MRPS35: variants seen among roughly 807,000 people sequenced by gnomAD.
MRPS35 encodes the protein small ribosomal subunit protein mS35.
Under a neutral mutation model 32.7 loss-of-function variants are expected in MRPS35, and 29 were observed. The ratio of observed to expected loss-of-function variants is 0.89; its 90% CI spans 0.66 to 1.21. The LOEUF (loss-of-function observed/expected upper bound fraction) is 1.21. MRPS35 is among the 50% of genes most tolerant of loss of function. MRPS35 has a pLI of 0.00. For missense variants in MRPS35, 373 were observed against 383.8 expected, an observed-to-expected ratio of 0.97 and a Z score of 0.23; for synonymous variants, 148 against 139.3, an observed-to-expected ratio of 1.06 and a Z score of -0.44.
intron 7 of MRPS35, among the ~76,000 whole-genome samples, chr12:27,738,142 A>AT (rs764902368): frequency 3.3e-5 from 5 of 152,106 alleles, no homozygotes; most frequent in Non-Finnish European, 7.4e-5. Context: ...CAGACTTTAG[A>AT]TTTTTTCAGA....
chr12:27,732,097 A>G (rs1044719266), intron 5 of MRPS35, among the ~76,000 whole-genome samples: 2 of 152,236 alleles, frequency 1.3e-5, no homozygotes, highest in African/African-American at 4.8e-5. Flanking sequence ...TTAAGAACAT[A>G]TTAAATGTTA....
intron 4 of MRPS35, among the ~76,000 whole-genome samples, chr12:27,721,915 T>C (rs1379797063): frequency 6.6e-6 from 1 of 152,118 alleles, no homozygotes; most frequent in Non-Finnish European, 1.5e-5. Flanking sequence ...AGTGAGATCA[T>C]GTCTCTACAA....
chr12:27,748,438 GGTGTGTGTGTGT>G (rs35760106), intron 7 of MRPS35, among the ~76,000 whole-genome samples: 10 of 145,972 alleles, frequency 6.9e-5, no homozygotes, highest in Admixed American at 1.4e-4. Flanking sequence ...AAAGAAAAGT[GGTGTGTGTGTGT>G]GTGTGTGTGT....
At chr12:27,711,089 G>C (rs2140746798) in intron 1 of MRPS35, 134 bp downstream of exon 1, 1 of 776,678 alleles carries the variant, frequency 1.3e-6, no homozygotes, top group Non-Finnish European at 2.1e-6. Flanking sequence ...AGGCCCGTCT[G>C]GTAGGAAAAC....
intron 7 of MRPS35, among the ~76,000 whole-genome samples, chr12:27,744,821 C>T (rs1375032468): frequency 1.3e-5 from 2 of 152,158 alleles, no homozygotes; most frequent in African/African-American, 4.8e-5. Flanking sequence ...AAAAGTGGAC[C>T]TGTGATGTTG....
chr12:27,741,116 C>T (rs2061963285), intron 7 of MRPS35, among the ~76,000 whole-genome samples: 1 of 151,766 alleles, frequency 6.6e-6, no homozygotes, highest in Non-Finnish European at 1.5e-5. Flanking sequence ...TGCAGTGAGC[C>T]AAGATCGCAC....
rs560688576 is a variant in MRPS35, at chr12:27,740,958, G to A, written c.702+3350G>A. ...AAGGCAGGCGGATTGCCCGAGCTCA[G>A]GAGTTCGATACCACCCTGGGCAACA... On this transcript the variant is annotated intron_variant, in intron 7 of 7. Coordinates refer to ENST00000081029, the MANE Select transcript of MRPS35 (RefSeq NM_021821.4). Among the ~76,000 whole-genome samples, 7 of 152,196 alleles carry A rather than the reference G, an allele frequency of 4.6e-5. No homozygotes were observed. The South Asian group carries it at 1.5e-3, about 32-fold the overall frequency.
chr12:27,750,487 A>G (rs1407003310), intron 7 of MRPS35, among the ~76,000 whole-genome samples: 1 of 152,194 alleles, frequency 6.6e-6, no homozygotes, highest in African/African-American at 2.4e-5. Context: ...CAGAGTTTGG[A>G]TCCTAAAGCT....
intron 2 of MRPS35, among the ~76,000 whole-genome samples, chr12:27,715,120 A>G (rs944045653): frequency 6.6e-6 from 1 of 152,164 alleles, no homozygotes; most frequent in Non-Finnish European, 1.5e-5. Flanking sequence ...CATTAATATA[A>G]CTAGTTTGTT....
rs550273094 is a variant in MRPS35, at chr12:27,735,544, T to C, written c.620T>C (p.Ile207Thr). Residue 207 changes from isoleucine (I) to threonine (T), a missense_variant, in exon 6 of 8, where the codon ATC becomes ACC. By Grantham distance (89) the Ile-to-Thr change is moderately conservative. Coordinates refer to ENST00000081029, the MANE Select transcript of MRPS35 (RefSeq NM_021821.4). ...RYCKTTDVLT[I>T]KTDRCPLRRQ... ...TGCAAGACCACAGATGTGCTTACCA[T>C]CAAAACAGATAGGTAATGGAAAAAA... 1.2e-6 allele frequency: 2 copies of C among 1,609,234 alleles called. No individual in the cohort carries two copies. Among genetic ancestry groups the C allele is most frequent in the South Asian group, 2.2e-5 (2 of 89,966 alleles).
At chr12:27,753,010 G>A (rs2062011841) in intron 7 of MRPS35, 1 of 152,092 alleles carries the variant, frequency 6.6e-6, no homozygotes, top group African/African-American at 2.4e-5. Flanking sequence ...AAAATAAAAA[G>A]AAGTTGTTTC....
At chr12:27,718,042 G>T (rs926746344) in intron 3 of MRPS35, among the ~76,000 whole-genome samples, 2 of 152,060 alleles carry the variant, frequency 1.3e-5, no homozygotes, top group African/African-American at 4.8e-5. Context: ...TTTTTAAAAT[G>T]TATAAAAAGG....
intron 5 of MRPS35, among the ~76,000 whole-genome samples, chr12:27,727,154 G>T (rs896139126): frequency 1.3e-5 from 2 of 151,900 alleles, no homozygotes; most frequent in African/African-American, 2.4e-5. Flanking sequence ...TAGAGATGGG[G>T]TTTTCACCGT....
chr12:27,730,437 A>G (rs942283812), intron 5 of MRPS35, among the ~76,000 whole-genome samples: 1 of 152,122 alleles, frequency 6.6e-6, no homozygotes, highest in Middle Eastern at 3.2e-3. Context: ...AGTATAGGCT[A>G]TTAAGATGAT....
intron 7 of MRPS35, among the ~76,000 whole-genome samples, chr12:27,743,114 G>A (rs1591801852): frequency 6.6e-6 from 1 of 151,812 alleles, no homozygotes; most frequent in Non-Finnish European, 1.5e-5. Flanking sequence ...TCCTGCCTCT[G>A]CCTCCCAAAG....
chr12:27,733,032 A>C lies in MRPS35; in HGVS notation c.523-2415A>C, dbSNP rs893289369. Among the ~76,000 whole-genome samples the C allele has an allele frequency of 3.7e-3, 194 of 52,832 alleles. 1 individual carries two copies. The highest frequency in any genetic ancestry group is 0.013 in the South Asian group (20 of 1,490). 34.7% of individuals were successfully genotyped at this position (52,832 alleles called of 152,430 possible). ...TATATATATATATATATATATATAT[A>C]TATATATATCCAGCACCTCCTGTGA... is the stretch of plus-strand genomic sequence containing the variant. On this transcript the variant is annotated intron_variant, in intron 5 of 7. Transcript: ENST00000081029.
At chr12:27,742,829 G>A (rs1205715913) in intron 7 of MRPS35, among the ~76,000 whole-genome samples, 1 of 152,110 alleles carries the variant, frequency 6.6e-6, no homozygotes, top group African/African-American at 2.4e-5. Context: ...GGGGGCTTGT[G>A]TGTGTGTGTT....
chr12:27,716,587 TAAAAA>T, intron 3 of MRPS35, 129 bp downstream of exon 3: 1 of 815,284 alleles, frequency 1.2e-6, no homozygotes, highest in Non-Finnish European at 1.9e-6. Flanking sequence ...ATTTAAATGT[TAAAAA>T]TAATATAATA....
intron 6 of MRPS35, among the ~76,000 whole-genome samples, chr12:27,736,374 T>C (rs750950424): frequency 6.6e-6 from 1 of 152,204 alleles, no homozygotes; most frequent in Non-Finnish European, 1.5e-5. Context: ...GAAAGTAGAT[T>C]TGAAATATAT....
Sources: allele counts gnomAD v4.1 joint callset (sites outside exome capture counted in the v4.1 genomes callset), GRCh38; gene constraint gnomAD v4.1.1; transcripts MANE v1.5; gene names NCBI Gene and HGNC (gene_info 2026-07-23, HGNC 2026-07-21).